PTPRD: variants seen among roughly 807,000 people sequenced by gnomAD.
The protein encoded by PTPRD is protein tyrosine phosphatase receptor type D.
Under a neutral mutation model 214.5 loss-of-function variants are expected in PTPRD, and 34 were observed. That is an observed-to-expected ratio of 0.16 (90% CI 0.12 to 0.21). The LOEUF (loss-of-function observed/expected upper bound fraction) is 0.21. PTPRD is among the 10% of genes least tolerant of loss of function. PTPRD has a pLI of 1.00. For synonymous variants in PTPRD, 1,128 were observed against 845.7 expected (o/e 1.33, Z -5.79); for missense variants, 2,545 against 2,398.7 (o/e 1.06, Z -1.27).
At chr9:9,321,431 T>G (rs1966453301) in intron 9 of PTPRD, among the ~76,000 whole-genome samples, 1 of 151,886 alleles carries the variant, frequency 6.6e-6, no homozygotes, top group African/African-American at 2.4e-5. Context: ...GGTGCATGCC[T>G]GTAATCCCAG....
chr9:10,164,422 C>T (rs1415274502), intron 3 of PTPRD, among the ~76,000 whole-genome samples: 1 of 151,324 alleles, frequency 6.6e-6, no homozygotes, highest in Non-Finnish European at 1.5e-5. Context: ...ACTAAGTTTG[C>T]CATCGATGCA....
chr9:8,375,833 G>A, intron 39 of PTPRD, 103 bp downstream of exon 39: 1 of 1,340,516 alleles, frequency 7.5e-7, no homozygotes, highest in African/African-American at 1.5e-5. Flanking sequence ...TATTATTTAT[G>A]AAGACATTTA....
At chr9:8,327,212 G>C (rs540711952) in intron 44 of PTPRD, among the ~76,000 whole-genome samples, 47 of 151,866 alleles carry the variant, frequency 3.1e-4, no homozygotes, top group African/African-American at 1.1e-3. Flanking sequence ...GTGTCCCAGA[G>C]ATTCTGGTAC....
chr9:9,262,667 G>T (rs1264722186), intron 9 of PTPRD, among the ~76,000 whole-genome samples: 1 of 151,506 alleles, frequency 6.6e-6, no homozygotes. Flanking sequence ...ATGATTCCTA[G>T]AGCTAGGATA....
chr9:8,762,274 C>A (rs2094458538), intron 11 of PTPRD, among the ~76,000 whole-genome samples: 1 of 152,036 alleles, frequency 6.6e-6, no homozygotes, highest in Non-Finnish European at 1.5e-5. Context: ...ACGAGATTGA[C>A]TTTTGGGAAT....
intron 12 of PTPRD, among the ~76,000 whole-genome samples, chr9:8,695,548 C>A (rs1045523403): frequency 6.6e-6 from 1 of 152,078 alleles, no homozygotes; most frequent in Non-Finnish European, 1.5e-5. Context: ...CTATCAGATA[C>A]CAATTTATAT....
chr9:8,662,970 T>C (rs2097094613), intron 12 of PTPRD, among the ~76,000 whole-genome samples: 1 of 152,138 alleles, frequency 6.6e-6, no homozygotes, highest in Admixed American at 6.6e-5. Context: ...TCCTGGTGTC[T>C]GGAATATACA....
At chr9:10,088,451 T>C (rs1303144490) in intron 3 of PTPRD, among the ~76,000 whole-genome samples, 1 of 151,754 alleles carries the variant, frequency 6.6e-6, no homozygotes, top group Non-Finnish European at 1.5e-5. Context: ...AGTGTTAGGA[T>C]CCTCTTAGAA....
At chr9:8,814,831 A>T (rs182227132) in intron 11 of PTPRD, among the ~76,000 whole-genome samples, 29 of 152,238 alleles carry the variant, frequency 1.9e-4, no homozygotes, top group Non-Finnish European at 3.8e-4. Context: ...ACTTAGAAGA[A>T]CCCTTAACCT....
chr9:9,525,814 C>CTT (rs1199877995), intron 8 of PTPRD, among the ~76,000 whole-genome samples: 1,536 of 145,450 alleles, frequency 0.011, 17 homozygotes, highest in African/African-American at 0.034. Flanking sequence ...CCTTTGTAAA[C>CTT]TTTTTTTTTT....
chr9:8,691,107 T>C (rs60499554), intron 12 of PTPRD, among the ~76,000 whole-genome samples: 32,429 of 152,074 alleles, frequency 0.21, 3,582 homozygotes, highest in Admixed American at 0.28. Flanking sequence ...AAAAAAATAA[T>C]GAAATGGCTT....
chr9:9,140,248 C>T (rs189160560), intron 10 of PTPRD, among the ~76,000 whole-genome samples: 428 of 151,992 alleles, frequency 2.8e-3, no homozygotes, highest in Non-Finnish European at 4.5e-3. Flanking sequence ...TGGCTGTTTT[C>T]CAGCAAGACT....
chr9:10,500,487 A>G (rs1278942780), intron 2 of PTPRD, among the ~76,000 whole-genome samples: 1 of 151,978 alleles, frequency 6.6e-6, no homozygotes, highest in Non-Finnish European at 1.5e-5. Flanking sequence ...GTAATGGATA[A>G]TAATCCCTTC....
intron 5 of PTPRD, among the ~76,000 whole-genome samples, chr9:9,920,323 A>C (rs2082206758): frequency 1.3e-5 from 2 of 152,098 alleles, no homozygotes; most frequent in South Asian, 4.1e-4. Flanking sequence ...TAGCCATTTA[A>C]AGTTCAAAAT....
At chr9:9,045,531 A>G (rs879418338) in intron 10 of PTPRD, among the ~76,000 whole-genome samples, 1 of 152,172 alleles carries the variant, frequency 6.6e-6, no homozygotes, top group Admixed American at 6.5e-5. Context: ...TCAAGGTAAC[A>G]GTTGAAGTTG....
chr9:9,402,784 TA>T (rs2071223042), intron 8 of PTPRD, among the ~76,000 whole-genome samples: 1 of 151,302 alleles, frequency 6.6e-6, no homozygotes, highest in Non-Finnish European at 1.5e-5. Context: ...AAAAATGAAA[TA>T]ATTGAAACTG....
intron 12 of PTPRD, among the ~76,000 whole-genome samples, chr9:8,714,411 T>C (rs2098407484): frequency 2.0e-5 from 3 of 152,170 alleles, no homozygotes; most frequent in African/African-American, 7.2e-5. Context: ...AAGCTTTTTT[T>C]TCTGCCTGTT....
At chr9:9,869,195 C>T (rs568933917) in intron 5 of PTPRD, among the ~76,000 whole-genome samples, 1 of 152,098 alleles carries the variant, frequency 6.6e-6, no homozygotes, top group Non-Finnish European at 1.5e-5. Flanking sequence ...CTTGACTTTT[C>T]TGAACAAACC....
intron 3 of PTPRD, among the ~76,000 whole-genome samples, chr9:10,038,129 C>T (rs965210199): frequency 3.9e-5 from 6 of 152,086 alleles, no homozygotes; most frequent in African/African-American, 1.4e-4. Flanking sequence ...TACAACTTAT[C>T]TCCTGATTTC....
Sources: gnomAD v4.1 joint callset for allele counts (sites outside exome capture counted in the v4.1 genomes callset) on GRCh38, gnomAD v4.1.1 for gene constraint, MANE v1.5 for transcripts, NCBI Gene and HGNC (gene_info 2026-07-23, HGNC 2026-07-21) for gene names.